The following RAB13 variants were observed in gnomAD, a reference collection of about 807,000 sequenced individuals.
RAB13 encodes the protein ras-related protein Rab-13.
A neutral mutation model predicts 29.3 loss-of-function variants in RAB13; 15 were observed. That is an observed-to-expected ratio of 0.51 (90% CI 0.34 to 0.79). RAB13 has a LOEUF of 0.79. Among genes scored for constraint, RAB13 ranks in the 30% least tolerant of loss-of-function variants. The pLI, the probability that RAB13 is intolerant of heterozygous loss-of-function variation, is 0.01. For missense variants in RAB13, 186 were observed against 255.5 expected (o/e 0.73, Z 1.85); for synonymous variants, 82 against 93.8 (o/e 0.87, Z 0.73).
At chr1:153,985,322 C>T (rs1304046543) in intron 1 of RAB13, 3 of 984,610 alleles carry the variant, frequency 3.0e-6, no homozygotes, top group African/African-American at 1.7e-5. Flanking sequence ...TTTTCCTTTT[C>T]CTTTGTAACC....
At chr1:153,985,132 C>T in intron 1 of RAB13, 1 of 1,049,016 alleles carries the variant, frequency 9.5e-7, no homozygotes, top group Non-Finnish European at 1.1e-6. Flanking sequence ...CTTTCACATT[C>T]CTCTTCTCTG....
upstream of RAB13, among the ~76,000 whole-genome samples, chr1:153,987,528 A>G (rs72694280): frequency 6.2e-3 from 786 of 127,500 alleles, 4 homozygotes; most frequent in East Asian, 0.012. Flanking sequence ...AAAAAAAAAA[A>G]AAAGAAAGAA....
chr1:153,983,658 G>GTC, intron 2 of RAB13, 77 bp from the exon 3 acceptor site: 1 of 1,336,016 alleles, frequency 7.5e-7, no homozygotes, highest in Non-Finnish European at 1.1e-6. Flanking sequence ...TCTCTCACAA[G>GTC]AATTTAGCTT....
At chr1:153,985,460 G>GC in intron 1 of RAB13, 2 of 804,458 alleles carry the variant, frequency 2.5e-6, no homozygotes, top group Non-Finnish European at 3.0e-6. Flanking sequence ...CCTGCTGGGG[G>GC]CCCCTGGGAG....
At chr1:153,987,002 A>C (rs1372767712), upstream of RAB13, among the ~76,000 whole-genome samples, 1 of 152,194 alleles carries the variant, frequency 6.6e-6, no homozygotes, top group African/African-American at 2.4e-5. Context: ...CTGGGGCTTC[A>C]GTTGGAACGA....
Position 153,983,568 on chromosome 1 carries a change from G to A in RAB13, c.199C>T (p.Gln67Ter), listed in dbSNP as rs1649064884. The A allele has an allele frequency of 3.7e-6, 6 of 1,610,166 alleles. No homozygotes were observed. Among genetic ancestry groups the A allele is most frequent in the Non-Finnish European group, 5.1e-6 (6 of 1,176,544 alleles). ...IKLQVWDTAG[Q>*]ERFKTITTAY... ...GTAGTTATTGTCTTGAACCGCTCTT[G>A]GCCAGCCGTGTCCCTAAAGAAGGAG... The change falls in exon 3 of 8, where the codon CAA becomes TAA. Residue 67 changes from glutamine (Q) to a stop codon, truncating the protein, a stop_gained. Coordinates refer to ENST00000368575, the MANE Select transcript of RAB13 (RefSeq NM_002870.5). LOFTEE classifies it high-confidence loss of function.
chr1:153,986,045 A>G (rs1231497573), intron 1 of RAB13, 68 bp downstream of exon 1: 1 of 1,602,076 alleles, frequency 6.2e-7, no homozygotes, highest in East Asian at 2.2e-5. Flanking sequence ...TGGGGTCACT[A>G]GTAATCCGGG....
upstream of RAB13, among the ~76,000 whole-genome samples, chr1:153,987,499 G>C (rs1649206696): frequency 1.6e-5 from 2 of 128,326 alleles, no homozygotes; most frequent in Middle Eastern, 5.0e-3. Flanking sequence ...TTGGGCGACA[G>C]AGCCAGACTC....
chr1:153,984,329 T>A (rs1649095245), intron 2 of RAB13, among the ~76,000 whole-genome samples: 1 of 152,192 alleles, frequency 6.6e-6, no homozygotes, highest in Non-Finnish European at 1.5e-5. Context: ...TTCATACCAC[T>A]TAAACACCTT....
intron 1 of RAB13, chr1:153,985,306 G>C (rs1374461829): frequency 1.0e-6 from 1 of 984,900 alleles, no homozygotes; most frequent in Non-Finnish European, 1.2e-6. Context: ...TAGGAAAGAG[G>C]GGCATTTTTC....
chr1:153,985,015 G>A (rs867711719), intron 1 of RAB13: 32 of 1,242,622 alleles, frequency 2.6e-5, no homozygotes, highest in African/African-American at 6.4e-5. Flanking sequence ...AAAAGGTGAC[G>A]AAAATTCTGC....
rs370286535 is a variant in RAB13, at chr1:153,986,067, G to A, written c.124+46C>T. On this transcript the variant is annotated intron_variant, in intron 1 of 7. Coordinates refer to ENST00000368575, the MANE Select transcript of RAB13 (RefSeq NM_002870.5). ...ACTAGTAATCCGGGAGCCGGAGAAG[G>A]AGGTCACAGGAGAGTCGGGGTCTGG... 1.2e-4 allele frequency: 186 copies of A among 1,609,982 alleles called. 1 individual carries two copies. Among genetic ancestry groups the A allele is most frequent in the Non-Finnish European group, 1.5e-4 (174 of 1,178,466 alleles).
At chr1:153,985,100 C>T in intron 1 of RAB13, 1 of 1,088,112 alleles carries the variant, frequency 9.2e-7, no homozygotes, top group Non-Finnish European at 1.1e-6. Context: ...TGAATTCAGT[C>T]TCTGTCTCCC....
chr1:153,985,115 G>A (rs1214574245), intron 1 of RAB13: 1 of 1,063,502 alleles, frequency 9.4e-7, no homozygotes. Context: ...TCTCCCCCCA[G>A]ATATTACTTT....
upstream of RAB13, among the ~76,000 whole-genome samples, chr1:153,990,229 C>G (rs1245206318): frequency 6.6e-6 from 1 of 152,148 alleles, no homozygotes; most frequent in Non-Finnish European, 1.5e-5. Context: ...CCACGCCTGG[C>G]TAATTTTCGT....
At chr1:153,984,824 C>T in intron 1 of RAB13, 43 bp from the exon 2 acceptor site, 1 of 1,586,268 alleles carries the variant, frequency 6.3e-7, no homozygotes, top group Non-Finnish European at 8.6e-7. Context: ...CATGCATGCA[C>T]ACATGTAAAA....
rs559940372 is a variant in RAB13 at position 153,983,173 on chromosome 1, C to T, written c.324+46G>A. On this transcript the variant is annotated intron_variant, in intron 4 of 7. Coordinates refer to ENST00000368575, the MANE Select transcript of RAB13 (RefSeq NM_002870.5). ...GCCTATCCTGATGGACCCCTTCATT[C>T]TCCAGGTTCTAACCAGTTTCCCCAT... 7.2e-6 allele frequency: 11 copies of T among 1,523,504 alleles called. No homozygotes were observed. In the Admixed American group the frequency reaches 1.7e-4, roughly 23 times the overall value. The allele number at this position is 1,523,504 out of a possible 1,614,324, so 94.4% of individuals were successfully genotyped here. A position where few individuals can be genotyped will look rare whatever the true frequency, so the allele number is the denominator to read the frequency against.
chr1:153,983,301 G>C lies in RAB13; in HGVS notation c.247-5C>G. 1.2e-6 allele frequency: 2 copies of C among 1,613,052 alleles called. No individual in the cohort carries two copies. Among genetic ancestry groups the C allele is most frequent in the East Asian group, 2.2e-5 (1 of 44,888 alleles). On this transcript the variant is annotated splice_region_variant and splice_polypyrimidine_tract_variant and intron_variant, in intron 3 of 7. Coordinates refer to ENST00000368575, the MANE Select transcript of RAB13 (RefSeq NM_002870.5). Reference sequence around the variant, plus strand: ...GTCGTATACTAGGATAATGCCCTGGGAGATGACAAAATTCACCTTGGACCA... The same window carrying C: ...GTCGTATACTAGGATAATGCCCTGGCAGATGACAAAATTCACCTTGGACCA...
intron 7 of RAB13, 76 bp downstream of exon 7, chr1:153,982,315 A>G (rs1456814535): frequency 1.6e-5 from 23 of 1,476,762 alleles, no homozygotes; most frequent in Non-Finnish European, 2.2e-5. Context: ...ACACACACAC[A>G]CACACACACA....
Sources: allele counts gnomAD v4.1 joint callset (sites outside exome capture counted in the v4.1 genomes callset), GRCh38; gene constraint gnomAD v4.1.1; transcripts MANE v1.5; gene names NCBI Gene and HGNC (gene_info 2026-07-23, HGNC 2026-07-21).